Variants in GPR158 observed in about 807,000 individuals in gnomAD.
The protein encoded by GPR158 is metabotropic glycine receptor.
In GPR158, 30 loss-of-function variants were observed where a neutral mutation model predicts 78.2. The ratio of observed to expected loss-of-function variants is 0.38; its 90% CI spans 0.29 to 0.52. GPR158 has a LOEUF of 0.52. GPR158 is among the 20% of genes least tolerant of loss of function. The pLI is 0.83. For synonymous variants in GPR158, 581 were observed against 591.1 expected (o/e 0.98, Z 0.25); for missense variants, 1,463 against 1,523.5 (o/e 0.96, Z 0.66).
At chr10:25,411,098 T>C (rs530056608) in intron 3 of GPR158, among the ~76,000 whole-genome samples, 2 of 151,146 alleles carry the variant, frequency 1.3e-5, no homozygotes, top group East Asian at 3.9e-4. Flanking sequence ...GTTTCTGTTT[T>C]GTTTTTTTTT....
chr10:25,430,182 C>A (rs1042739188), intron 4 of GPR158, among the ~76,000 whole-genome samples: 1 of 152,088 alleles, frequency 6.6e-6, no homozygotes, highest in African/African-American at 2.4e-5. Flanking sequence ...ACAAAATCAA[C>A]ATGCAAAAAT....
At chr10:25,273,840 C>T (rs1040491500) in intron 2 of GPR158, among the ~76,000 whole-genome samples, 9 of 151,796 alleles carry the variant, frequency 5.9e-5, no homozygotes, top group Admixed American at 5.3e-4. Context: ...CCACCACACC[C>T]GGCTAATTTT....
At chr10:25,253,047 G>T (rs1204929958) in intron 2 of GPR158, among the ~76,000 whole-genome samples, 1 of 152,012 alleles carries the variant, frequency 6.6e-6, no homozygotes, top group African/African-American at 2.4e-5. Flanking sequence ...TCTGAAAAGC[G>T]CAATATTCGG....
intron 2 of GPR158, among the ~76,000 whole-genome samples, chr10:25,384,274 C>T (rs554361943): frequency 6.6e-6 from 1 of 152,040 alleles, no homozygotes; most frequent in South Asian, 2.1e-4. Context: ...GAATAAAAAA[C>T]CATGAAAACT....
chr10:25,486,536 G>A (rs76290524), intron 5 of GPR158, among the ~76,000 whole-genome samples: 2,997 of 152,254 alleles, frequency 0.02, 37 homozygotes, highest in Non-Finnish European at 0.03. Context: ...GAATACGTTA[G>A]TCGATGAAGT....
chr10:25,358,983 T>C (rs1855590583), intron 2 of GPR158, among the ~76,000 whole-genome samples: 1 of 149,638 alleles, frequency 6.7e-6, no homozygotes, highest in South Asian at 2.1e-4. Flanking sequence ...ATCTGGTTGG[T>C]TTGTAATGGT....
intron 2 of GPR158, among the ~76,000 whole-genome samples, chr10:25,253,194 C>A (rs1195148656): frequency 6.6e-6 from 1 of 151,946 alleles, no homozygotes; most frequent in Non-Finnish European, 1.5e-5. Flanking sequence ...CGCGCACCCA[C>A]TGGCCTGCGC....
intron 1 of GPR158, among the ~76,000 whole-genome samples, chr10:25,186,515 A>G (rs1852688058): frequency 1.3e-5 from 2 of 152,188 alleles, no homozygotes. Flanking sequence ...AATCAAATAG[A>G]CACAATAAAA....
intron 1 of GPR158, among the ~76,000 whole-genome samples, chr10:25,186,551 A>G (rs956648095): frequency 6.6e-6 from 1 of 152,206 alleles, no homozygotes; most frequent in African/African-American, 2.4e-5. Flanking sequence ...ATCACCACCG[A>G]CCTCACAGAA....
intron 2 of GPR158, among the ~76,000 whole-genome samples, chr10:25,342,727 T>A (rs1855319151): frequency 6.6e-6 from 1 of 151,850 alleles, no homozygotes; most frequent in Non-Finnish European, 1.5e-5. Flanking sequence ...CCTCTTTTCC[T>A]CAGGCTTTGA....
chr10:25,559,765 G>A (rs181803686), intron 6 of GPR158, among the ~76,000 whole-genome samples: 2 of 152,108 alleles, frequency 1.3e-5, no homozygotes, highest in South Asian at 2.1e-4. Flanking sequence ...CTATTTAGAT[G>A]GTTTTAATTT....
At chr10:25,569,091 T>C (rs1836969577) in intron 6 of GPR158, among the ~76,000 whole-genome samples, 1 of 152,234 alleles carries the variant, frequency 6.6e-6, no homozygotes, top group South Asian at 2.1e-4. Context: ...TGTAGAGTTG[T>C]GTTTATTATG....
chr10:25,315,957 A>G (rs985953678), intron 2 of GPR158, among the ~76,000 whole-genome samples: 3 of 152,144 alleles, frequency 2.0e-5, no homozygotes, highest in African/African-American at 7.2e-5. Context: ...TTTCATGTTT[A>G]AAACTGTTTT....
chr10:25,404,315 T>G (rs1367290032), intron 3 of GPR158, among the ~76,000 whole-genome samples: 1 of 152,100 alleles, frequency 6.6e-6, no homozygotes, highest in African/African-American at 2.4e-5. Context: ...TGAAGTTAAA[T>G]ACATTGTTAA....
chr10:25,490,120 A>G (rs1415324893), intron 5 of GPR158, among the ~76,000 whole-genome samples: 1 of 152,156 alleles, frequency 6.6e-6, no homozygotes, highest in Non-Finnish European at 1.5e-5. Context: ...AGAGCAGTTA[A>G]GGAAATGCAA....
Position 25,402,018 on chromosome 10 carries a change from A to G in GPR158, c.1111+6005A>G, listed in dbSNP as rs144651895. 5.4e-3 allele frequency among the ~76,000 whole-genome samples: 822 copies of G among 152,284 alleles called. 10 individuals carry two copies. Among genetic ancestry groups the G allele is most frequent in the African/African-American group, 0.019 (795 of 41,570 alleles). ...TCTCCACAAATTACTATTTACAAAG[A>G]AAAAAGTAACCTGCAGTGAACAGAC... On this transcript the variant is annotated intron_variant, in intron 3 of 10. Transcript: ENST00000376351.
intron 1 of GPR158, among the ~76,000 whole-genome samples, chr10:25,206,777 A>C (rs1853044685): frequency 6.6e-6 from 1 of 151,928 alleles, no homozygotes; most frequent in South Asian, 2.1e-4. Context: ...CTGATGGTTA[A>C]ATAATTTACT....
At chr10:25,555,749 AAAAC>A (rs1174343831) in intron 6 of GPR158, among the ~76,000 whole-genome samples, 1 of 152,002 alleles carries the variant, frequency 6.6e-6, no homozygotes, top group Non-Finnish European at 1.5e-5. Flanking sequence ...CAAGAAAAAA[AAAAC>A]AAAATACTTT....
At position 25,598,214 on chromosome 10, in the gene GPR158, A is replaced by C. The variant is rs1044830599; in HGVS notation, c.2588A>C (p.Glu863Ala). The C allele has an allele frequency of 1.2e-6, 2 of 1,614,122 alleles. No individual in the cohort carries two copies. Among genetic ancestry groups the C allele is most frequent in the Non-Finnish European group, 1.7e-6 (2 of 1,180,012 alleles). The change falls in exon 11 of 11, where the codon GAA becomes GCA. Residue 863 changes from glutamate (E) to alanine (A), a missense_variant. Physicochemically the swap from Glu to Ala is moderately radical, Grantham distance 107. Coordinates refer to ENST00000376351, the MANE Select transcript of GPR158 (RefSeq NM_020752.3). ...SGKKLTQKLK[E>A]DSEAESTESV... is the part of the protein sequence containing the mutation. The stretch of plus-strand genomic sequence containing the variant: ...AAAAAACTAACACAAAAACTAAAAG[A>C]AGACAGCGAGGCTGAGTCCACGGAG...
Sources: allele counts gnomAD v4.1 joint callset (sites outside exome capture counted in the v4.1 genomes callset), GRCh38; gene constraint gnomAD v4.1.1; transcripts MANE v1.5; gene names NCBI Gene and HGNC (gene_info 2026-07-23, HGNC 2026-07-21).